PCCA: variants seen among roughly 807,000 people sequenced by gnomAD.
The protein encoded by PCCA is propionyl-CoA carboxylase subunit alpha, also known as propionyl-CoA carboxylase alpha chain, mitochondrial.
PCCA carries 74 observed loss-of-function variants against 101.3 expected under a neutral mutation model. The observed-to-expected ratio is 0.73, with a 90% CI of 0.61 to 0.89. The LOEUF is 0.89. Among genes scored for constraint, PCCA ranks in the 40% least tolerant of loss-of-function variants. The pLI, the probability that PCCA is intolerant of heterozygous loss-of-function variation, is 0.00. For synonymous variants in PCCA, 294 were observed against 313.6 expected (o/e 0.94, Z 0.66); for missense variants, 891 against 907.0 (o/e 0.98, Z 0.23).
chr13:100,153,424 A>G (rs1408029278), intron 4 of PCCA, among the ~76,000 whole-genome samples: 1 of 152,216 alleles, frequency 6.6e-6, no homozygotes, highest in Non-Finnish European at 1.5e-5. Flanking sequence ...CTTGGAGTCC[A>G]TCTTCTATAA....
chr13:100,364,763 A>G (rs2074997117), intron 18 of PCCA, among the ~76,000 whole-genome samples: 1 of 152,202 alleles, frequency 6.6e-6, no homozygotes, highest in African/African-American at 2.4e-5. Flanking sequence ...AGAAATTGTT[A>G]GAAAAAGGCT....
chr13:100,258,404 C>T lies in PCCA; in HGVS notation c.716+731C>T, dbSNP rs532914215. Among the ~76,000 whole-genome samples the T allele has an allele frequency of 2.6e-5, 4 of 152,206 alleles. No individual in the cohort carries two copies. In the South Asian group the frequency reaches 8.3e-4, roughly 32 times the overall value. ...TTGGAAAAGACAATCTGCCACAGCC[C>T]GTTTTGTGGGAAAGAATGGTATCAT... On this transcript the variant is annotated intron_variant, in intron 9 of 23. Coordinates refer to ENST00000376285, the MANE Select transcript of PCCA (RefSeq NM_000282.4).
chr13:100,466,852 C>T (rs1221730919), intron 21 of PCCA, among the ~76,000 whole-genome samples: 6 of 150,326 alleles, frequency 4.0e-5, no homozygotes, highest in Admixed American at 1.3e-4. Flanking sequence ...AGGGACAGTC[C>T]GTCTCAAAAA....
In PCCA at chr13:100,111,883, T is replaced by C. The variant is rs771758342; in HGVS notation, c.226T>C (p.Cys76Arg). The change falls in exon 3 of 24, where the codon TGT becomes CGT. Residue 76 changes from cysteine to arginine, a missense_variant. Cys to Arg is a radical substitution (Grantham distance 180). Transcript: ENST00000376285. ...TGTTGCTAATAGAGGAGAAATTGCA[T>C]GTCGGGTGAGTAGAATTTTCGTCTT... ...ILVANRGEIA[C>R]RVIRTCKKMG... The C allele has an allele frequency of 3.1e-6, 5 of 1,610,536 alleles. No homozygotes were observed. The highest frequency in any genetic ancestry group is 4.2e-6 in the Non-Finnish European group (5 of 1,177,410).
intron 16 of PCCA, among the ~76,000 whole-genome samples, chr13:100,322,582 T>C (rs920955059): frequency 7.2e-5 from 11 of 151,768 alleles, no homozygotes; most frequent in Non-Finnish European, 1.5e-4. Flanking sequence ...TTTTTTTTTT[T>C]CTTTTAGAGA....
rs373706223 is a variant in PCCA, at chr13:100,112,225, C to T, written c.300+164C>T. ...AAGCAAAACGACAGTATCACAGTAT[C>T]TTCTATATGTGCCGTAAGTATTTTC... On this transcript the variant is annotated intron_variant, in intron 4 of 23. Coordinates refer to ENST00000376285, the MANE Select transcript of PCCA (RefSeq NM_000282.4). Among the ~76,000 whole-genome samples the T allele has an allele frequency of 5.9e-5, 9 of 152,274 alleles. 1 individual carries two copies. In the East Asian group the frequency reaches 1.4e-3, roughly 23 times the overall value.
At chr13:100,121,371 G>A (rs1393354964) in intron 4 of PCCA, among the ~76,000 whole-genome samples, 1 of 151,704 alleles carries the variant, frequency 6.6e-6, no homozygotes, top group Non-Finnish European at 1.5e-5. Flanking sequence ...TGTTGGCCAG[G>A]CTGGTCTCGA....
At chr13:100,166,588 C>T (rs981192257) in intron 6 of PCCA, among the ~76,000 whole-genome samples, 8 of 152,126 alleles carry the variant, frequency 5.3e-5, no homozygotes, top group South Asian at 2.1e-4. Context: ...TGTGAGCCAC[C>T]GTGCCTAGCC....
chr13:100,275,406 T>A (rs1213981557), intron 12 of PCCA, among the ~76,000 whole-genome samples: 3 of 152,146 alleles, frequency 2.0e-5, no homozygotes, highest in Non-Finnish European at 2.9e-5. Context: ...GGGAAGCTGA[T>A]GTTCTGGGCT....
At chr13:100,385,044 T>G (rs2076422355) in intron 19 of PCCA, among the ~76,000 whole-genome samples, 1 of 152,128 alleles carries the variant, frequency 6.6e-6, no homozygotes, top group Admixed American at 6.5e-5. Flanking sequence ...CTACTTCTCT[T>G]CTTAGGTAAT....
chr13:100,497,531 A>G (rs1265698268), intron 21 of PCCA, among the ~76,000 whole-genome samples: 2 of 151,592 alleles, frequency 1.3e-5, no homozygotes, highest in South Asian at 2.1e-4. Flanking sequence ...AGCAGATACT[A>G]TCACAGCTGC....
intron 22 of PCCA, among the ~76,000 whole-genome samples, chr13:100,524,904 T>G (rs2087631642): frequency 6.6e-6 from 1 of 151,708 alleles, no homozygotes; most frequent in African/African-American, 2.4e-5. Flanking sequence ...TAGATTAGAT[T>G]AGATTACATA....
At chr13:100,493,250 T>TCACA (rs1181409651) in intron 21 of PCCA, among the ~76,000 whole-genome samples, 1 of 152,210 alleles carries the variant, frequency 6.6e-6, no homozygotes, top group African/African-American at 2.4e-5. Flanking sequence ...TTCACCCCTG[T>TCACA]CACAAGTCCT....
chr13:100,277,925 A>T (rs1215166931), intron 12 of PCCA, among the ~76,000 whole-genome samples: 1 of 152,132 alleles, frequency 6.6e-6, no homozygotes, highest in Admixed American at 6.5e-5. Context: ...AATGTGGCTG[A>T]TTTTCCTTAA....
intron 4 of PCCA, among the ~76,000 whole-genome samples, chr13:100,117,421 T>G (rs2152292234): frequency 6.8e-6 from 1 of 146,012 alleles, no homozygotes; most frequent in East Asian, 2.0e-4. Flanking sequence ...ATATGTACAT[T>G]GTGTGTGTGC....
intron 19 of PCCA, among the ~76,000 whole-genome samples, chr13:100,411,636 A>C (rs922734358): frequency 6.6e-6 from 1 of 152,222 alleles, no homozygotes; most frequent in African/African-American, 2.4e-5. Context: ...TTATTCCTCC[A>C]GTTCTGTAGG....
chr13:100,468,928 T>A (rs977836445), intron 21 of PCCA, among the ~76,000 whole-genome samples: 1 of 151,888 alleles, frequency 6.6e-6, no homozygotes, highest in Admixed American at 6.6e-5. Context: ...AACAATCCCT[T>A]TGACTGGGCG....
chr13:100,202,643 C>CT (rs1201939608), intron 6 of PCCA, among the ~76,000 whole-genome samples: 17 of 149,892 alleles, frequency 1.1e-4, no homozygotes, highest in East Asian at 3.9e-4. Context: ...AATATTTGCT[C>CT]TTTTTTTTGC....
chr13:100,331,477 T>C (rs531367117), intron 17 of PCCA, among the ~76,000 whole-genome samples: 3 of 152,326 alleles, frequency 2.0e-5, no homozygotes, highest in South Asian at 4.1e-4. Context: ...TATATATAGA[T>C]TCAGGTCAAG....
Sources: allele counts gnomAD v4.1 joint callset (sites outside exome capture counted in the v4.1 genomes callset), GRCh38; gene constraint gnomAD v4.1.1; transcripts MANE v1.5; gene names NCBI Gene and HGNC (gene_info 2026-07-23, HGNC 2026-07-21).